MTRFR: variants seen among roughly 807,000 people sequenced by gnomAD.
MTRFR encodes the protein mitochondrial translation release factor in rescue, also known as probable peptide chain release factor C12orf65, mitochondrial.
A neutral mutation model predicts 11.9 loss-of-function variants in MTRFR; 10 were observed. The ratio of observed to expected loss-of-function variants is 0.84; its 90% CI spans 0.52 to 1.42. The LOEUF is 1.42. Ranked by LOEUF, MTRFR falls within the 40% of genes most tolerant of loss-of-function variation. MTRFR has a pLI of 0.00. For synonymous variants in MTRFR, 77 were observed against 79.1 expected (o/e 0.97, Z 0.14); for missense variants, 196 against 197.9 (o/e 0.99, Z 0.06).
At chr12:123,253,507 C>G (rs1462188441) in intron 1 of MTRFR, 140 bp from the exon 2 acceptor site, 8 of 784,428 alleles carry the variant, frequency 1.0e-5, no homozygotes, top group East Asian at 2.7e-5. Flanking sequence ...AATAATGTGT[C>G]TCTACTCATT....
chr12:123,242,425 G>A (rs1284770920), intron 1 of MTRFR, among the ~76,000 whole-genome samples: 1 of 152,008 alleles, frequency 6.6e-6, no homozygotes, highest in Non-Finnish European at 1.5e-5. Context: ...TGCTTTTATT[G>A]TTCCCTAAAG....
chr12:123,254,087 C>A, intron 2 of MTRFR, 131 bp downstream of exon 2: 2 of 1,109,472 alleles, frequency 1.8e-6, no homozygotes, highest in African/African-American at 1.6e-5. Context: ...CCTCTACCAG[C>A]CAGGCAGTAG....
At chr12:123,233,257 G>A (rs1197039075), upstream of MTRFR, 1 of 152,348 alleles carries the variant, frequency 6.6e-6, no homozygotes, top group African/African-American at 2.4e-5. Flanking sequence ...TCCAACCAAA[G>A]AGAGACATCC....
rs71085872 is a variant in MTRFR at position 123,253,070 on chromosome 12, ATTTTTTTTTTTTTT to A, written c.-28-553_-28-540del. Among the ~76,000 whole-genome samples the A allele has an allele frequency of 8.9e-3, 311 of 34,814 alleles. 2 individuals carry two copies. Among genetic ancestry groups the A allele is most frequent in the Admixed American group, 0.024 (52 of 2,212 alleles). 22.8% of individuals were successfully genotyped at this position (34,814 alleles called of 152,430 possible). On this transcript the variant is annotated intron_variant, in intron 1 of 2. Transcript: ENST00000253233. ...ATCAAATTACAGTCCGTTCCTTTGAATTTTTTTTTTTTTTTTTTTTTTTTTTTTTTTTTTTTTGA... is the reference window on the plus strand; with the variant it reads ...ATCAAATTACAGTCCGTTCCTTTGAATTTTTTTTTTTTTTTTTTTTTTTGA...
chr12:123,245,654 C>T (rs1168076322), intron 1 of MTRFR, among the ~76,000 whole-genome samples: 2 of 151,868 alleles, frequency 1.3e-5, no homozygotes, highest in African/African-American at 4.8e-5. Flanking sequence ...TGTTGTTGTT[C>T]GTTTTTGCAG....
intron 2 of MTRFR, 86 bp downstream of exon 2, chr12:123,254,042 C>T: frequency 6.6e-7 from 1 of 1,511,578 alleles, no homozygotes. Flanking sequence ...TGAATGGGAT[C>T]AGCCGAAGTG....
intron 1 of MTRFR, chr12:123,248,782 A>T (rs1565995518): frequency 6.6e-6 from 1 of 152,132 alleles, no homozygotes; most frequent in Non-Finnish European, 1.5e-5. Flanking sequence ...CCCCACCCAC[A>T]TCCTGCTGAT....
intron 1 of MTRFR, among the ~76,000 whole-genome samples, chr12:123,245,807 G>A (rs955528431): frequency 5.3e-5 from 8 of 152,124 alleles, no homozygotes; most frequent in Non-Finnish European, 5.9e-5. Context: ...CTTTCTGGAG[G>A]AGTCCTTAGG....
chr12:123,250,684 C>G (rs1254803994), intron 1 of MTRFR: 1 of 152,238 alleles, frequency 6.6e-6, no homozygotes, highest in Non-Finnish European at 1.5e-5. Flanking sequence ...TGGAGGTTAT[C>G]TGCAGAGTCC....
rs2048198597 is a variant in MTRFR, at chr12:123,257,715, TA to T, written c.*688del. 6.6e-6 allele frequency: 1 copy of T among 151,376 alleles called. No individual in the cohort carries two copies. Among genetic ancestry groups the T allele is most frequent in the Admixed American group, 6.6e-5 (1 of 15,152 alleles). 9.4% of individuals were successfully genotyped at this position (151,376 alleles called of 1,614,324 possible). On this transcript the variant is annotated 3_prime_UTR_variant, in exon 3 of 3. Transcript: ENST00000253233. ...AAGACCCTGTCTCTAAAAAATAAGA[TA>T]AAACCATAAAGAAACACAGTCAGTA... is the stretch of plus-strand genomic sequence containing the variant.
chr12:123,249,421 G>C (rs548494826), intron 1 of MTRFR: 1 of 152,712 alleles, frequency 6.5e-6, no homozygotes, highest in East Asian at 1.9e-4. Flanking sequence ...CAGGGGGAGG[G>C]GGGGACTCAG....
rs397514539 is a variant in MTRFR at position 123,256,924 on chromosome 12, C to T, written c.394C>T (p.Arg132Ter). 15 of 1,613,016 alleles carry T rather than the reference C, an allele frequency of 9.3e-6. No homozygotes were observed. Among genetic ancestry groups the T allele is most frequent in the East Asian group, 8.9e-5 (4 of 44,856 alleles). ...AAACAGTCCTGTTCACAAAGAAAAA[C>T]GAGAAGCGGCGAAGAAAAAACAAGA... ...GENSPVHKEKREAAKKKQERK... is the reference protein window; with the variant it reads ...GENSPVHKEK The change falls in exon 3 of 3, where the codon CGA (arginine) becomes TGA (stop). Residue 132 changes from arginine (R) to a stop codon, truncating the protein, a stop_gained. Transcript: ENST00000253233. LOFTEE classifies it high-confidence loss of function.
At chr12:123,241,226 A>C (rs1593275527) in intron 1 of MTRFR, among the ~76,000 whole-genome samples, 1 of 151,288 alleles carries the variant, frequency 6.6e-6, no homozygotes, top group South Asian at 2.1e-4. Flanking sequence ...TCCCAGCTTC[A>C]TGGGCTCCTC....
At chr12:123,244,976 C>T (rs1463350600) in intron 1 of MTRFR, among the ~76,000 whole-genome samples, 4 of 113,612 alleles carry the variant, frequency 3.5e-5, no homozygotes, top group Admixed American at 1.0e-4. Flanking sequence ...GAGTCTTACT[C>T]TTGTCACCCA....
chr12:123,254,046 C>T (rs1593287874), intron 2 of MTRFR, 90 bp downstream of exon 2: 23 of 1,499,098 alleles, frequency 1.5e-5, no homozygotes, highest in South Asian at 1.2e-4. Flanking sequence ...TGGGATCAGC[C>T]GAAGTGCATT....
intron 1 of MTRFR, among the ~76,000 whole-genome samples, chr12:123,253,214 G>A (rs1274178779): frequency 1.4e-5 from 2 of 144,970 alleles, no homozygotes; most frequent in Non-Finnish European, 3.0e-5. Context: ...GCTAATTTTT[G>A]TATTTTTAGT....
chr12:123,248,886 A>C (rs1352541535), intron 1 of MTRFR: 1 of 152,256 alleles, frequency 6.6e-6, no homozygotes, highest in African/African-American at 2.4e-5. Flanking sequence ...ATAAACCTTG[A>C]GCTAGACACA....
chr12:123,256,466 TC>T (rs2048183133), intron 2 of MTRFR, among the ~76,000 whole-genome samples: 1 of 152,164 alleles, frequency 6.6e-6, no homozygotes, highest in South Asian at 2.1e-4. Context: ...TCCAGGTTTG[TC>T]CCTCTCTATA....
intron 1 of MTRFR, 174 bp downstream of exon 1, chr12:123,233,705 C>G (rs2047772670): frequency 6.6e-6 from 1 of 152,228 alleles, no homozygotes; most frequent in South Asian, 2.1e-4. Flanking sequence ...CCGTGACACC[C>G]GAGCTCAGTT....
Sources: allele counts gnomAD v4.1 joint callset (sites outside exome capture counted in the v4.1 genomes callset), GRCh38; gene constraint gnomAD v4.1.1; transcripts MANE v1.5; gene names NCBI Gene and HGNC (gene_info 2026-07-23, HGNC 2026-07-21).